The following KIF26B variants were observed in gnomAD, a reference collection of about 807,000 sequenced individuals.
KIF26B encodes kinesin-like protein KIF26B.
Under a neutral mutation model 151.2 loss-of-function variants are expected in KIF26B, and 63 were observed. The observed-to-expected ratio is 0.42, with a 90% confidence interval of 0.34 to 0.51. The LOEUF is 0.51. Among genes scored for constraint, KIF26B ranks in the 20% least tolerant of loss-of-function variants. The pLI is 0.07. For synonymous variants in KIF26B, 1,357 were observed against 1,262.1 expected (o/e 1.08, Z -1.59); for missense variants, 2,813 against 2,913.6 (o/e 0.97, Z 0.79).
intron 4 of KIF26B, among the ~76,000 whole-genome samples, chr1:245,470,898 T>TTC (rs150918475): frequency 1.3e-5 from 2 of 152,000 alleles, no homozygotes; most frequent in South Asian, 2.1e-4. Context: ...CAATTTCATA[T>TTC]TCTCTCTCTC....
At chr1:245,599,213 G>T (rs1259507482) in intron 5 of KIF26B, among the ~76,000 whole-genome samples, 2 of 152,136 alleles carry the variant, frequency 1.3e-5, no homozygotes, top group Non-Finnish European at 2.9e-5. Context: ...TGGAGTGCCG[G>T]ACTAAAGGAA....
At chr1:245,343,085 C>CCA (rs1672369400) in intron 2 of KIF26B, among the ~76,000 whole-genome samples, 1 of 131,972 alleles carries the variant, frequency 7.6e-6, no homozygotes, top group African/African-American at 2.9e-5. Flanking sequence ...GACTCCATCT[C>CCA]AAAAAAAAAA....
chr1:245,661,365 T>C (rs1162347774), intron 10 of KIF26B, among the ~76,000 whole-genome samples: 1 of 151,938 alleles, frequency 6.6e-6, no homozygotes, highest in African/African-American at 2.4e-5. Flanking sequence ...AATTTGTTCC[T>C]TTTGAGCCTT....
chr1:245,362,341 A>G (rs1469087450), intron 2 of KIF26B, among the ~76,000 whole-genome samples: 1 of 149,346 alleles, frequency 6.7e-6, no homozygotes, highest in Non-Finnish European at 1.5e-5. Context: ...ATCCTGGCCA[A>G]GATGGTGAAA....
At chr1:245,466,989 C>T (rs1290688003) in intron 4 of KIF26B, among the ~76,000 whole-genome samples, 9 of 152,208 alleles carry the variant, frequency 5.9e-5, no homozygotes, top group East Asian at 3.8e-4. Context: ...ATGACACTCA[C>T]TTCGAGAAGA....
At chr1:245,551,543 T>C (rs1661879627) in intron 5 of KIF26B, among the ~76,000 whole-genome samples, 1 of 152,056 alleles carries the variant, frequency 6.6e-6, no homozygotes, top group Non-Finnish European at 1.5e-5. Flanking sequence ...TGTTCCGCAT[T>C]CTATAAAAAG....
intron 9 of KIF26B, among the ~76,000 whole-genome samples, chr1:245,615,743 C>T (rs71636580): frequency 4.6e-5 from 7 of 152,146 alleles, no homozygotes; most frequent in Non-Finnish European, 8.8e-5. Flanking sequence ...GTCCAGGGGT[C>T]GTGCGATCGG....
chr1:245,217,724 C>T lies in KIF26B; in HGVS notation c.465+61041C>T, dbSNP rs187369511. On this transcript the variant is annotated intron_variant, in intron 2 of 14. Transcript: ENST00000407071. Reference sequence around the variant, plus strand: ...ATATTATTCCTGATTTGTAATCTCACGATACCCGCCTTGCTCGCCAAGAGT... The same window carrying T: ...ATATTATTCCTGATTTGTAATCTCATGATACCCGCCTTGCTCGCCAAGAGT... Among the ~76,000 whole-genome samples, 7 of 152,192 alleles carry T rather than the reference C, an allele frequency of 4.6e-5. No individual in the cohort carries two copies. The East Asian group carries it at 1.3e-3, about 29-fold the overall frequency.
At chr1:245,654,834 C>A (rs1214530639) in intron 10 of KIF26B, among the ~76,000 whole-genome samples, 1 of 152,230 alleles carries the variant, frequency 6.6e-6, no homozygotes, top group Non-Finnish European at 1.5e-5. Context: ...GGTTATCACC[C>A]AGGCTGTGCC....
intron 4 of KIF26B, among the ~76,000 whole-genome samples, chr1:245,452,400 C>G (rs993154559): frequency 1.3e-5 from 2 of 151,978 alleles, no homozygotes; most frequent in African/African-American, 2.4e-5. Flanking sequence ...CTGCTATGAA[C>G]GATGGTGTTC....
At chr1:245,434,518 T>A (rs1658857009) in intron 4 of KIF26B, among the ~76,000 whole-genome samples, 11 of 152,134 alleles carry the variant, frequency 7.2e-5, no homozygotes, top group Admixed American at 7.2e-4. Context: ...GGTCCCCCTC[T>A]TCCCCCACTC....
rs138196613 is a variant in KIF26B at position 245,607,559 on chromosome 1, G to C, written c.1558-92G>C. 17 of 1,003,848 alleles carry C rather than the reference G, an allele frequency of 1.7e-5. No individual in the cohort carries two copies. In the African/African-American group the frequency reaches 2.7e-4, roughly 16 times the overall value. 62.2% of individuals were successfully genotyped at this position (1,003,848 alleles called of 1,614,324 possible). A position where few individuals can be genotyped will look rare whatever the true frequency, so the allele number is the denominator to read the frequency against. ...TGGGAACACAGTGACACTGGGACCC[G>C]AAGCCCCAGGAAGGTGGGCTCACTT... On this transcript the variant is annotated intron_variant, in intron 6 of 14. Coordinates refer to ENST00000407071, the MANE Select transcript of KIF26B (RefSeq NM_018012.4).
chr1:245,637,660 T>G (rs1041283939), intron 9 of KIF26B, among the ~76,000 whole-genome samples: 16 of 151,964 alleles, frequency 1.1e-4, no homozygotes, highest in African/African-American at 3.9e-4. Context: ...TAAGTCCATT[T>G]TGAGTTGATT....
chr1:245,261,467 TTC>T (rs376897211), intron 2 of KIF26B, among the ~76,000 whole-genome samples: 112 of 112,162 alleles, frequency 1.0e-3, no homozygotes, highest in South Asian at 1.8e-3. Flanking sequence ...TTTTCTTTCT[TTC>T]TCTCTCTCTC....
intron 2 of KIF26B, among the ~76,000 whole-genome samples, chr1:245,192,061 C>A (rs1669119236): frequency 6.6e-6 from 1 of 151,974 alleles, no homozygotes; most frequent in Non-Finnish European, 1.5e-5. Context: ...AGGGGATAAT[C>A]CTAACTACCA....
chr1:245,625,018 G>T (rs2043708549), intron 9 of KIF26B, among the ~76,000 whole-genome samples: 1 of 152,018 alleles, frequency 6.6e-6, no homozygotes, highest in African/African-American at 2.4e-5. Context: ...ATCATTTGTT[G>T]TAAAAAGCTA....
chr1:245,298,821 T>C (rs1203014298), intron 2 of KIF26B, among the ~76,000 whole-genome samples: 2 of 152,184 alleles, frequency 1.3e-5, no homozygotes, highest in African/African-American at 4.8e-5. Context: ...ACATCAGGGA[T>C]GAACAGCCTC....
At chr1:245,225,196 T>A (rs1241294691) in intron 2 of KIF26B, among the ~76,000 whole-genome samples, 1 of 152,198 alleles carries the variant, frequency 6.6e-6, no homozygotes, top group Non-Finnish European at 1.5e-5. Flanking sequence ...CCACAGGACT[T>A]GAGGTGGCAG....
At chr1:245,679,187 C>T (rs74610955) in intron 10 of KIF26B, among the ~76,000 whole-genome samples, 31,804 of 152,068 alleles carry the variant, frequency 0.21, 3,552 homozygotes, top group Admixed American at 0.29. Flanking sequence ...AAAGTAGCCA[C>T]AGACACTATG....
Sources: allele counts gnomAD v4.1 joint callset (sites outside exome capture counted in the v4.1 genomes callset), GRCh38; gene constraint gnomAD v4.1.1; transcripts MANE v1.5; gene names NCBI Gene and HGNC (gene_info 2026-07-23, HGNC 2026-07-21).